DNAAF9: variants seen among roughly 807,000 people sequenced by gnomAD.
DNAAF9 encodes dynein axonemal assembly factor 9.
In DNAAF9, 90 loss-of-function variants were observed where a neutral mutation model predicts 167.0. The observed-to-expected ratio is 0.54, with a 90% CI of 0.45 to 0.64. The LOEUF is 0.64. Among genes scored for constraint, DNAAF9 ranks in the 30% least tolerant of loss-of-function variants. DNAAF9 has a pLI of 0.00. For synonymous variants in DNAAF9, 491 were observed against 508.8 expected (o/e 0.96, Z 0.47); for missense variants, 1,315 against 1,442.2 (o/e 0.91, Z 1.43).
intron 16 of DNAAF9, among the ~76,000 whole-genome samples, chr20:3,319,442 C>A (rs1325418154): frequency 6.6e-6 from 1 of 151,956 alleles, no homozygotes; most frequent in Non-Finnish European, 1.5e-5. Context: ...TGAAACAATT[C>A]CGGGAAGAAG....
chr20:3,259,002 C>T (rs117093011), intron 33 of DNAAF9, among the ~76,000 whole-genome samples: 17 of 152,332 alleles, frequency 1.1e-4, no homozygotes, highest in Non-Finnish European at 1.6e-4. Context: ...CTGATGCCCA[C>T]TCCAGGACAG....
chr20:3,255,916 G>A, intron 34 of DNAAF9, 90 bp downstream of exon 34: 1 of 947,702 alleles, frequency 1.1e-6, no homozygotes, highest in South Asian at 1.5e-5. Context: ...GAGGCATCAG[G>A]GAGGCAGTGG....
chr20:3,251,432 C>T lies in DNAAF9; in HGVS notation c.*1140G>A, dbSNP rs1600641361. The T allele has an allele frequency of 6.6e-6, 1 of 152,214 alleles. No homozygotes were observed. Among genetic ancestry groups the T allele is most frequent in the East Asian group, 1.9e-4 (1 of 5,202 alleles). 9.4% of individuals were successfully genotyped at this position (152,214 alleles called of 1,614,324 possible). A position where few individuals can be genotyped will look rare whatever the true frequency, so the allele number is the denominator to read the frequency against. ...AGAGACATCACCTAAATATCAGTGG[C>T]TGTGACTCCCCTGTCCCCCACACCA... On this transcript the variant is annotated 3_prime_UTR_variant, in exon 37 of 37. Coordinates refer to ENST00000252032, the MANE Select transcript of DNAAF9 (RefSeq NM_001009984.3).
At chr20:3,381,079 G>A (rs2083644764) in intron 3 of DNAAF9, among the ~76,000 whole-genome samples, 1 of 152,206 alleles carries the variant, frequency 6.6e-6, no homozygotes, top group South Asian at 2.1e-4. Flanking sequence ...CCGTTAGCAT[G>A]TAGAGGCAAT....
chr20:3,326,631 G>A lies in DNAAF9; in HGVS notation c.1101-347C>T, dbSNP rs73577663. 8.3e-3 allele frequency among the ~76,000 whole-genome samples: 1,262 copies of A among 151,858 alleles called. 16 individuals are homozygous for A. Among genetic ancestry groups the A allele is most frequent in the African/African-American group, 0.028 (1,168 of 41,382 alleles). ...ATGGTGGTGTGTGCCTGTATTCTCA[G>A]CTATTTAGGAGCCTGAGGCTGGAGG... On this transcript the variant is annotated intron_variant, in intron 12 of 36. Coordinates refer to ENST00000252032, the MANE Select transcript of DNAAF9 (RefSeq NM_001009984.3).
rs542344732 is a variant in DNAAF9 at position 3,362,137 on chromosome 20, C to T, written c.613-2544G>A. The T allele has an allele frequency of 2.4e-5, 34 of 1,392,248 alleles. No individual in the cohort carries two copies. In the African/African-American group the frequency reaches 2.7e-4, roughly 11 times the overall value. The allele number at this position is 1,392,248 out of a possible 1,614,324, so 86.2% of individuals were successfully genotyped here. On this transcript the variant is annotated intron_variant, in intron 6 of 36. Transcript: ENST00000252032. ...ATATTCTATTTTAAGGCTGTATATT[C>T]GGTTTTCATAAATTGTTCCTGGAGG...
chr20:3,381,488 G>A lies in DNAAF9; in HGVS notation c.174C>T (p.Ser58=). Residue 58 remains serine (S), a synonymous_variant, in exon 3 of 37, where the codon AGC becomes AGT. Coordinates refer to ENST00000252032, the MANE Select transcript of DNAAF9 (RefSeq NM_001009984.3). ...GCTCTCTGCAGCCTTCATTGTACCT[G>A]CTATCGATTCCTGCAAGGCAAAGGA... ...DGILCILGID[S]RYNEGCRELA... is the part of the protein sequence containing the mutation. The A allele has an allele frequency of 6.2e-7, 1 of 1,613,490 alleles. No individual in the cohort carries two copies. Among genetic ancestry groups the A allele is most frequent in the Non-Finnish European group, 8.5e-7 (1 of 1,179,812 alleles).
Position 3,375,244 on chromosome 20 carries a change from C to G in DNAAF9, c.409-118G>C. ...AAATGACATTTACAGAGGACTGCAC[C>G]CAAGGAGGTGTTTCCAAAGCCAACC... On this transcript the variant is annotated intron_variant, in intron 4 of 36. Coordinates refer to ENST00000252032, the MANE Select transcript of DNAAF9 (RefSeq NM_001009984.3). 4.5e-6 allele frequency: 3 copies of G among 663,186 alleles called. No individual in the cohort carries two copies. In the African/African-American group the frequency reaches 5.4e-5, roughly 12 times the overall value. 41.1% of individuals were successfully genotyped at this position (663,186 alleles called of 1,614,324 possible).
chr20:3,286,529 C>T (rs2068855654), intron 27 of DNAAF9, among the ~76,000 whole-genome samples: 1 of 152,116 alleles, frequency 6.6e-6, no homozygotes, highest in Non-Finnish European at 1.5e-5. Flanking sequence ...CCAGTAGAAA[C>T]AATGAAAAAC....
chr20:3,336,696 C>T (rs1395024722), intron 10 of DNAAF9, among the ~76,000 whole-genome samples: 8 of 151,798 alleles, frequency 5.3e-5, no homozygotes, highest in South Asian at 2.1e-4. Context: ...ATTTTACAAG[C>T]GCCTGCCACC....
chr20:3,328,100 T>C (rs1430325810), intron 12 of DNAAF9, among the ~76,000 whole-genome samples: 1 of 151,988 alleles, frequency 6.6e-6, no homozygotes, highest in Non-Finnish European at 1.5e-5. Flanking sequence ...CTTGGTCTTC[T>C]CCTATACTGA....
intron 29 of DNAAF9, among the ~76,000 whole-genome samples, chr20:3,272,773 A>G (rs532871024): frequency 5.3e-5 from 8 of 152,306 alleles, no homozygotes; most frequent in Non-Finnish European, 1.0e-4. Flanking sequence ...AAAAGATTCA[A>G]TGCTCATCAT....
rs386393120 is a variant in DNAAF9 at position 3,268,897 on chromosome 20, CTTTTTT to C, written c.2786+1524_2786+1529del. Among the ~76,000 whole-genome samples, 459 of 85,846 alleles carry C rather than the reference CTTTTTT, an allele frequency of 5.3e-3. 4 individuals carry two copies. The highest frequency in any genetic ancestry group is 0.019 in the African/African-American group (406 of 21,496). The allele number at this position is 85,846 out of a possible 152,430, so 56.3% of individuals were successfully genotyped here. A position where few individuals can be genotyped will look rare whatever the true frequency, so the allele number is the denominator to read the frequency against. On this transcript the variant is annotated intron_variant, in intron 30 of 36. Transcript: ENST00000252032. ...GTAAAGAGATAATATCTCTATGTTA[CTTTTTT>C]TTTTTTTTTTTTTTTTTTGAGACAG...
chr20:3,259,384 C>T (rs1285994536), intron 33 of DNAAF9, 96 bp downstream of exon 33: 1 of 841,444 alleles, frequency 1.2e-6, no homozygotes, highest in African/African-American at 1.7e-5. Flanking sequence ...TGAGCAGCAT[C>T]AGTGGTCTGC....
intron 1 of DNAAF9, among the ~76,000 whole-genome samples, chr20:3,404,758 T>C (rs979460418): frequency 6.6e-6 from 1 of 152,208 alleles, no homozygotes; most frequent in Non-Finnish European, 1.5e-5. Flanking sequence ...ATTAAAGAAG[T>C]TTCAAGCAGG....
intron 7 of DNAAF9, among the ~76,000 whole-genome samples, chr20:3,349,964 A>T (rs2123142390): frequency 6.6e-6 from 1 of 152,122 alleles, no homozygotes; most frequent in East Asian, 1.9e-4. Context: ...ACCAAAACTC[A>T]CTGGCCAGAT....
intron 1 of DNAAF9, among the ~76,000 whole-genome samples, chr20:3,398,119 G>A (rs2083936102): frequency 1.3e-5 from 2 of 152,198 alleles, no homozygotes; most frequent in African/African-American, 4.8e-5. Flanking sequence ...AAAGCTAGAA[G>A]AGAAATGGCC....
intron 8 of DNAAF9, among the ~76,000 whole-genome samples, chr20:3,345,654 T>G (rs976777311): frequency 3.3e-5 from 5 of 152,204 alleles, no homozygotes; most frequent in Non-Finnish European, 7.3e-5. Context: ...AATTACAGCC[T>G]TTCCCTATAT....
intron 27 of DNAAF9, 107 bp downstream of exon 27, chr20:3,287,525 T>A (rs2068872463): frequency 9.6e-7 from 1 of 1,043,024 alleles, no homozygotes. Context: ...ACACTGCTCA[T>A]GCATGTAGAG....
Sources: allele counts gnomAD v4.1 joint callset (sites outside exome capture counted in the v4.1 genomes callset), GRCh38; gene constraint gnomAD v4.1.1; transcripts MANE v1.5; gene names NCBI Gene and HGNC (gene_info 2026-07-23, HGNC 2026-07-21).